Variants in LYSMD2 observed in about 807,000 individuals in gnomAD.
LYSMD2 encodes the protein LysM domain containing 2.
In LYSMD2, 6 loss-of-function variants were observed where a neutral mutation model predicts 17.7. The observed-to-expected ratio is 0.34, with a 90% CI of 0.19 to 0.67. LYSMD2 has a LOEUF of 0.67. Among genes scored for constraint, LYSMD2 ranks in the 30% least tolerant of loss-of-function variants. The pLI is 0.69. For synonymous variants in LYSMD2, 102 were observed against 129.8 expected, an observed-to-expected ratio of 0.79 and a Z score of 1.45; for missense variants, 237 against 286.7, an observed-to-expected ratio of 0.83 and a Z score of 1.25.
chr15:51,725,946 G>C (rs1370246755), intron 1 of LYSMD2, among the ~76,000 whole-genome samples: 1 of 152,090 alleles, frequency 6.6e-6, no homozygotes, highest in Non-Finnish European at 1.5e-5. Context: ...CTGAATTAAA[G>C]TACACAACTA....
Position 51,737,462 on chromosome 15 carries a change from C to T in LYSMD2, c.161G>A (p.Ser54Asn). The change falls in exon 1 of 3, where the codon AGC becomes AAC. Residue 54 changes from serine (S) to asparagine (N), a missense_variant. Coordinates refer to ENST00000267838, the MANE Select transcript of LYSMD2 (RefSeq NM_153374.3). This position sits in a 1 kb window ranked among gnomAD's most constrained non-coding sequence, Gnocchi z 4.2. ...LARTKTRSYG[S>N]TASVRAPLGA... ...CAGCGGCGCCCGCACGCTGGCGGTG[C>T]TGCCGTACGAGCGGGTCTTGGTGCG... 1 of 1,425,208 alleles carries T rather than the reference C, an allele frequency of 7.0e-7. No homozygotes were observed. The highest frequency in any genetic ancestry group is 9.2e-7 in the Non-Finnish European group (1 of 1,092,106). The allele number at this position is 1,425,208 out of a possible 1,614,324, so 88.3% of individuals were successfully genotyped here. A position where few individuals can be genotyped will look rare whatever the true frequency, so the allele number is the denominator to read the frequency against.
At chr15:51,731,391 A>G (rs1040790850) in intron 1 of LYSMD2, among the ~76,000 whole-genome samples, 1 of 152,258 alleles carries the variant, frequency 6.6e-6, no homozygotes, top group African/African-American at 2.4e-5. Flanking sequence ...AGCAGGGGTT[A>G]AAGTTATGAA....
chr15:51,750,617 G>A (rs2055693979), intron 1 of LYSMD2, among the ~76,000 whole-genome samples: 1 of 152,194 alleles, frequency 6.6e-6, no homozygotes, highest in Admixed American at 6.5e-5. Context: ...TGCTGCAAAA[G>A]TTCAAGAAGG....
intron 1 of LYSMD2, among the ~76,000 whole-genome samples, chr15:51,730,830 T>C (rs1257133385): frequency 6.6e-6 from 1 of 152,222 alleles, no homozygotes; most frequent in East Asian, 1.9e-4. Context: ...TGATTATTAG[T>C]TTACAGAAAA....
chr15:51,750,819 T>A (rs1193781040), intron 1 of LYSMD2, among the ~76,000 whole-genome samples: 1 of 152,164 alleles, frequency 6.6e-6, no homozygotes. Context: ...TATTCAGGGA[T>A]GAAGTGAACG....
chr15:51,732,493 A>C (rs987801863), intron 1 of LYSMD2, among the ~76,000 whole-genome samples: 1 of 152,218 alleles, frequency 6.6e-6, no homozygotes, highest in Admixed American at 6.5e-5. Context: ...CAAGGCCTCA[A>C]ACCAACCAGA....
chr15:51,737,248 A>ACCC lies in LYSMD2; in HGVS notation c.273+99_273+101dup, dbSNP rs1171880345. The ACCC allele has an allele frequency of 5.1e-5, 13 of 256,446 alleles. No individual in the cohort carries two copies. The highest frequency in any genetic ancestry group is 8.9e-5 in the East Asian group (1 of 11,200). The allele number at this position is 256,446 out of a possible 1,614,324, so 15.9% of individuals were successfully genotyped here. ...GTCCCTGCGACTCCCCATCCCCCAAACCCCCACCCGCAGTCCCACCCCCAC... is the reference window on the plus strand; with the variant it reads ...GTCCCTGCGACTCCCCATCCCCCAAACCCCCCCCACCCGCAGTCCCACCCCCAC... On this transcript the variant is annotated intron_variant, in intron 1 of 2. Transcript: ENST00000267838. This position sits in a 1 kb window ranked among gnomAD's most constrained non-coding sequence, Gnocchi z 4.2.
At position 51,725,121 on chromosome 15, in the gene LYSMD2, T is replaced by C. The variant is rs749849184; in HGVS notation, c.274A>G (p.Met92Val). 1.9e-6 allele frequency: 3 copies of C among 1,559,312 alleles called. No individual in the cohort carries two copies. The highest frequency in any genetic ancestry group is 1.9e-5 in the Admixed American group (1 of 53,910). The change falls in exon 2 of 3, where the codon ATG becomes GTG. Residue 92 changes from methionine (M) to valine (V), a missense_variant and splice_region_variant. Physicochemically the swap from Met to Val is conservative, Grantham distance 21 (BLOSUM62 1). Coordinates refer to ENST00000267838, the MANE Select transcript of LYSMD2 (RefSeq NM_153374.3). ...QGIALKYGVTMEQIKRANKLF... is the reference protein window; with the variant it reads ...QGIALKYGVTVEQIKRANKLF... The stretch of plus-strand genomic sequence containing the variant: ...TTATTGGCCCTTTTAATCTGTTCCA[T>C]CTAAAATATAAAAAAGGAGACACAG...
Position 51,724,847 on chromosome 15 carries a change from A to G in LYSMD2, c.548T>C (p.Leu183Pro). ...EVSARDFLQR[L>P]DLQIKLSTQA... is the part of the protein sequence containing the mutation. Reference sequence around the variant, plus strand: ...TGTTGATAACTTAATCTGCAAGTCAAGTCTCTGCAGGAAATCTCTGGCTGA... The same window carrying G: ...TGTTGATAACTTAATCTGCAAGTCAGGTCTCTGCAGGAAATCTCTGGCTGA... Residue 183 changes from leucine (L) to proline (P), a missense_variant, in exon 2 of 3, where the codon CTT becomes CCT. Coordinates refer to ENST00000267838, the MANE Select transcript of LYSMD2 (RefSeq NM_153374.3). 1 of 1,614,090 alleles carries G rather than the reference A, an allele frequency of 6.2e-7. No individual in the cohort carries two copies. Among genetic ancestry groups the G allele is most frequent in the Non-Finnish European group, 8.5e-7 (1 of 1,179,982 alleles).
intron 1 of LYSMD2, among the ~76,000 whole-genome samples, chr15:51,733,184 T>C (rs1198324574): frequency 6.6e-6 from 1 of 152,096 alleles, no homozygotes; most frequent in Non-Finnish European, 1.5e-5. Context: ...TCACCAGATA[T>C]CTGCACAGCT....
In LYSMD2 at chr15:51,723,647, T is replaced by A. The variant is rs200440894; in HGVS notation, c.608A>T (p.Asp203Val). 8 of 1,599,820 alleles carry A rather than the reference T, an allele frequency of 5.0e-6. No homozygotes were observed. The Admixed American group carries it at 1.0e-4, about 21-fold the overall frequency. The change falls in exon 3 of 3, where the codon GAT (aspartate) becomes GTT (valine). Residue 203 changes from aspartate to valine, a missense_variant and splice_region_variant. Coordinates refer to ENST00000267838, the MANE Select transcript of LYSMD2 (RefSeq NM_153374.3). ...GGAAGTTGCATAGGGACTTTCTTCA[T>A]CTCTGAAAGAAAATAAATACAGCAT... ...AAKKLKEESR[D>V]EESPYATSLY...
intron 1 of LYSMD2, 99 bp from the exon 2 acceptor site, chr15:51,725,220 T>C (rs1004789326): frequency 5.7e-6 from 4 of 703,486 alleles, no homozygotes; most frequent in Non-Finnish European, 9.2e-6. Context: ...AAGCAAAATG[T>C]ACACAATGCT....
intron 1 of LYSMD2, among the ~76,000 whole-genome samples, chr15:51,748,261 C>CAAAAAAAAAAAAAAAAAAAAA (rs10556304): frequency 8.3e-5 from 5 of 60,208 alleles, no homozygotes; most frequent in African/African-American, 1.3e-4. Flanking sequence ...GACTCCGTCT[C>CAAAAAAAAAAAAAAAAAAAAA]AAAAAAAAAA....
chr15:51,724,443 G>C (rs2055523154), intron 2 of LYSMD2, among the ~76,000 whole-genome samples: 1 of 152,164 alleles, frequency 6.6e-6, no homozygotes, highest in Non-Finnish European at 1.5e-5. Context: ...TAGCTGGACA[G>C]TGACGCTATT....
At chr15:51,741,925 A>G (rs990917219), upstream of LYSMD2, among the ~76,000 whole-genome samples, 1 of 149,978 alleles carries the variant, frequency 6.7e-6, no homozygotes, top group Non-Finnish European at 1.5e-5. Context: ...ATCTCACAAA[A>G]ATAATAATTA....
chr15:51,739,295 T>A (rs1486419988), upstream of LYSMD2, among the ~76,000 whole-genome samples: 6 of 152,146 alleles, frequency 3.9e-5, no homozygotes, highest in Non-Finnish European at 8.8e-5. Flanking sequence ...CATAACTGGG[T>A]CTTACTCATC....
At chr15:51,725,288 T>C (rs978848697) in intron 1 of LYSMD2, among the ~76,000 whole-genome samples, 167 bp from the exon 2 acceptor site, 7 of 152,236 alleles carry the variant, frequency 4.6e-5, no homozygotes, top group African/African-American at 1.7e-4. Flanking sequence ...TATCTCTAGT[T>C]ATTTCAAGAG....
intron 1 of LYSMD2, 25 bp from the exon 2 acceptor site, chr15:51,725,146 G>A (rs540527736): frequency 4.9e-6 from 7 of 1,439,650 alleles, no homozygotes; most frequent in Middle Eastern, 1.9e-4. Flanking sequence ...AGGAGACACA[G>A]AATTACATAT....
intron 1 of LYSMD2, among the ~76,000 whole-genome samples, chr15:51,748,841 TA>T (rs2055682497): frequency 1.3e-5 from 2 of 152,348 alleles, no homozygotes; most frequent in African/African-American, 4.8e-5. Context: ...TAGGCTTCTA[TA>T]AAGAAGAAGA....
Sources: allele counts gnomAD v4.1 joint callset (sites outside exome capture counted in the v4.1 genomes callset), GRCh38; gene constraint gnomAD v4.1.1; non-coding constraint Gnocchi (gnomAD v3.1); transcripts MANE v1.5; gene names NCBI Gene and HGNC (gene_info 2026-07-23, HGNC 2026-07-21).